OTOG: variants seen among roughly 807,000 people sequenced by gnomAD.
OTOG encodes otogelin.
Under a neutral mutation model 313.8 loss-of-function variants are expected in OTOG, and 296 were observed. The observed-to-expected ratio is 0.94, with a 90% CI of 0.86 to 1.04. OTOG has a LOEUF of 1.04. Ranked by LOEUF, OTOG falls within the 50% of genes least tolerant of loss-of-function variation. The probability of loss-of-function intolerance (pLI) is 0.00; values close to 1 mark genes in which losing one functional copy is unlikely to be tolerated. For synonymous variants in OTOG, 1,533 were observed against 1,554.9 expected, an observed-to-expected ratio of 0.99 and a Z score of 0.33; for missense variants, 3,948 against 3,840.1, an observed-to-expected ratio of 1.03 and a Z score of -0.74.
chr11:17,646,021 G>C lies in OTOG; in HGVS notation c.*77G>C. 7.2e-7 allele frequency: 1 copy of C among 1,381,374 alleles called. No individual in the cohort carries two copies. The highest frequency in any genetic ancestry group is 9.9e-7 in the Non-Finnish European group (1 of 1,008,688). The allele number at this position is 1,381,374 out of a possible 1,614,324, so 85.6% of individuals were successfully genotyped here. A position where few individuals can be genotyped will look rare whatever the true frequency, so the allele number is the denominator to read the frequency against. ...TTCCAGCTGGCCCAATGTGAATGGGGGTATTAAAGGTGGTAGAAATCTGGC... is the reference window on the plus strand; with the variant it reads ...TTCCAGCTGGCCCAATGTGAATGGGCGTATTAAAGGTGGTAGAAATCTGGC... On this transcript the variant is annotated 3_prime_UTR_variant, in exon 56 of 56. Transcript: ENST00000399397.
chr11:17,547,656 G>T, intron 1 of OTOG, 190 bp downstream of exon 1: 2 of 1,091,858 alleles, frequency 1.8e-6, no homozygotes, highest in Non-Finnish European at 2.3e-6. Flanking sequence ...CTATGACCGC[G>T]GGGGAAAGAG....
Position 17,570,270 on chromosome 11 carries a change from G to T in OTOG, c.1835G>T (p.Gly612Val). 6.4e-7 allele frequency: 1 copy of T among 1,550,858 alleles called. No individual in the cohort carries two copies. Among genetic ancestry groups the T allele is most frequent in the Non-Finnish European group, 8.7e-7 (1 of 1,147,044 alleles). Residue 612 changes from glycine (G) to valine (V), a missense_variant, in exon 17 of 56, where the codon GGC becomes GTC. Gly to Val is a moderately radical substitution (Grantham distance 109). Transcript: ENST00000399397. Reference protein sequence around the residue: ...SVFLRVRTNVGVRVLYDREGL... With the variant: ...SVFLRVRTNVVVRVLYDREGL... ...TTCCTGCGGGTGAGGACGAACGTGG[G>T]CGTGCGGGTGCTCTACGACCGTGAA...
intron 38 of OTOG, 81 bp downstream of exon 38, chr11:17,612,846 G>T (rs1853596436): frequency 4.1e-6 from 6 of 1,450,776 alleles, no homozygotes; most frequent in Admixed American, 2.2e-5. Flanking sequence ...GTGAGCCAGG[G>T]TACCAGAGGC....
At position 17,610,214 on chromosome 11, in the gene OTOG, C is replaced by T; in HGVS notation, c.4914C>T (p.Ser1638=). 6.4e-7 allele frequency: 1 copy of T among 1,550,484 alleles called. No individual in the cohort carries two copies. The highest frequency in any genetic ancestry group is 1.4e-5 in the African/African-American group (1 of 73,162). ...TTAGGACGACACCCCCACAGCCCTC[C>T]TTGACAGCAAGTCCCTCCTCCAGAC... ...LPVRTTPPQP[S]LTASPSSRPV... Residue 1638 remains serine (S), a synonymous_variant, in exon 36 of 56, where the codon TCC becomes TCT. Coordinates refer to ENST00000399397, the MANE Select transcript of OTOG (RefSeq NM_001292063.2).
intron 8 of OTOG, 69 bp downstream of exon 8, chr11:17,557,392 T>A: frequency 1.4e-6 from 2 of 1,456,048 alleles, no homozygotes. Context: ...CTGGGAGGGG[T>A]TGGAGGGGAC....
At chr11:17,635,018 AG>A (rs1854228761) in intron 45 of OTOG, 61 bp from the exon 46 acceptor site, 3 of 1,530,400 alleles carry the variant, frequency 2.0e-6, no homozygotes, top group African/African-American at 2.8e-5. Context: ...CTCTGGGGGC[AG>A]GGGCCCAGGG....
In OTOG at chr11:17,612,653, T is replaced by C. The variant is rs182000850; in HGVS notation, c.6326T>C (p.Val2109Ala). ...TCAATCTTCCCTGACCTGAGCTTCGTGACCTTCGATGGGAGCCACGTAGCT... is the reference window on the plus strand; with the variant it reads ...TCAATCTTCCCTGACCTGAGCTTCGCGACCTTCGATGGGAGCCACGTAGCT... ...RCSIFPDLSF[V>A]TFDGSHVALF... The change falls in exon 38 of 56, where the codon GTG (valine) becomes GCG (alanine). Residue 2109 changes from valine to alanine, a missense_variant. Coordinates refer to ENST00000399397, the MANE Select transcript of OTOG (RefSeq NM_001292063.2). 4,504 of 1,550,626 alleles carry C rather than the reference T, an allele frequency of 2.9e-3. 129 individuals carry two copies. Among genetic ancestry groups the C allele is most frequent in the East Asian group, 1.6e-3 (64 of 40,920 alleles).
chr11:17,559,013 G>T, intron 10 of OTOG, 39 bp from the exon 11 acceptor site: 1 of 1,489,988 alleles, frequency 6.7e-7, no homozygotes, highest in South Asian at 1.2e-5. Context: ...GTGGCACTTT[G>T]GGTTTTGTTC....
At chr11:17,587,290 C>G (rs1423956564) in intron 24 of OTOG, among the ~76,000 whole-genome samples, 3 of 152,232 alleles carry the variant, frequency 2.0e-5, no homozygotes, top group Non-Finnish European at 4.4e-5. Context: ...TCTGCAGGGC[C>G]TGTTCTGGGC....
At chr11:17,635,468 T>A in intron 46 of OTOG, 142 bp from the exon 47 acceptor site, 1 of 686,454 alleles carries the variant, frequency 1.5e-6, no homozygotes. Flanking sequence ...CCAGAACGGA[T>A]CACGTGAGAC....
Position 17,611,457 on chromosome 11 carries a change from T to A in OTOG, c.6123+34T>A, listed in dbSNP as rs958043375. 6.1e-6 allele frequency: 9 copies of A among 1,474,548 alleles called. No homozygotes were observed. The Admixed American group carries it at 1.9e-4, about 31-fold the overall frequency. The allele number at this position is 1,474,548 out of a possible 1,614,324, so 91.3% of individuals were successfully genotyped here. A position where few individuals can be genotyped will look rare whatever the true frequency, so the allele number is the denominator to read the frequency against. On this transcript the variant is annotated intron_variant, in intron 36 of 55. Transcript: ENST00000399397. ...TTTGCCAGGGTTCTGGCCACCCGTA[T>A]GTGACCCTTCCCTTCATCCCTTCCT...
rs948010343 is a variant in OTOG, at chr11:17,642,157, C to T, written c.8326C>T (p.Arg2776Cys). 9.7e-6 allele frequency: 15 copies of T among 1,549,570 alleles called. No individual in the cohort carries two copies. The highest frequency in any genetic ancestry group is 2.4e-5 in the South Asian group (2 of 83,958). ...PGASWIADCA[R>C]HHCSSTPLGA... ...GGCATCCTGGATCGCAGACTGCGCC[C>T]GCCACCACTGCAGCAGCACGCCCCT... The change falls in exon 53 of 56, where the codon CGC (arginine) becomes TGC (cysteine). Residue 2776 changes from arginine to cysteine, a missense_variant. Transcript: ENST00000399397.
At chr11:17,630,386 C>T (rs962469666) in intron 40 of OTOG, among the ~76,000 whole-genome samples, 1 of 152,140 alleles carries the variant, frequency 6.6e-6, no homozygotes, top group Non-Finnish European at 1.5e-5. Context: ...CCTAGGATAC[C>T]TTTGGGACAC....
chr11:17,639,982 ATAAT>A, intron 49 of OTOG, among the ~76,000 whole-genome samples: 1 of 141,002 alleles, frequency 7.1e-6, no homozygotes, highest in African/African-American at 2.8e-5. Context: ...GGTGATGGTG[ATAAT>A]GCAGTGACGA....
At chr11:17,622,344 C>T (rs1157131601) in intron 39 of OTOG, among the ~76,000 whole-genome samples, 1 of 152,064 alleles carries the variant, frequency 6.6e-6, no homozygotes, top group African/African-American at 2.4e-5. Flanking sequence ...GATATCCCTC[C>T]CCTCAAACAT....
intron 15 of OTOG, among the ~76,000 whole-genome samples, chr11:17,567,138 G>A (rs540953567): frequency 6.6e-6 from 1 of 152,324 alleles, no homozygotes; most frequent in East Asian, 1.9e-4. Flanking sequence ...ATAGCTTTCA[G>A]TTACATTAGG....
intron 23 of OTOG, among the ~76,000 whole-genome samples, chr11:17,580,511 C>A (rs1852641678): frequency 6.6e-6 from 1 of 152,210 alleles, no homozygotes; most frequent in Non-Finnish European, 1.5e-5. Context: ...AGGACCGAGG[C>A]CAAAGCCTTG....
At chr11:17,555,422 T>A (rs1852036312) in intron 6 of OTOG, among the ~76,000 whole-genome samples, 1 of 152,094 alleles carries the variant, frequency 6.6e-6, no homozygotes, top group Non-Finnish European at 1.5e-5. Context: ...TGGTGGAGTA[T>A]GTCTGTTGGC....
intron 14 of OTOG, among the ~76,000 whole-genome samples, chr11:17,561,382 C>G (rs1471915924): frequency 6.6e-6 from 1 of 152,204 alleles, no homozygotes; most frequent in African/African-American, 2.4e-5. Context: ...AAGACCTTCC[C>G]GAGCTAGGGG....
Sources: gnomAD v4.1 joint callset for allele counts (sites outside exome capture counted in the v4.1 genomes callset) on GRCh38, gnomAD v4.1.1 for gene constraint, MANE v1.5 for transcripts, NCBI Gene and HGNC (gene_info 2026-07-23, HGNC 2026-07-21) for gene names.